Variants in DCTN5 observed in about 807,000 individuals in gnomAD.
DCTN5 encodes the protein dynactin 4.
In DCTN5, 14 loss-of-function variants were observed where a neutral mutation model predicts 23.5. The ratio of observed to expected loss-of-function variants is 0.60; its 90% CI spans 0.39 to 0.93. The LOEUF (loss-of-function observed/expected upper bound fraction) is 0.93. Ranked by LOEUF, DCTN5 falls within the 40% of genes least tolerant of loss-of-function variation. The pLI, the probability that DCTN5 is intolerant of heterozygous loss-of-function variation, is 0.00. For missense variants in DCTN5, 156 were observed against 225.9 expected (o/e 0.69, Z 1.98); for synonymous variants, 67 against 79.6 (o/e 0.84, Z 0.84).
At position 23,647,518 on chromosome 16, in the gene DCTN5, T is replaced by G. The variant is rs1000488889; in HGVS notation, c.117+4495T>G. On this transcript the variant is annotated intron_variant, in intron 2 of 5. Transcript: ENST00000300087. ...TGCTTTTTTTTTTTTAATTTTTTTT[T>G]GGGGGAGGGGGATGGAGTATTGCCC... is the stretch of plus-strand genomic sequence containing the variant. Among the ~76,000 whole-genome samples, 62 of 151,758 alleles carry G rather than the reference T, an allele frequency of 4.1e-4. 2 individuals carry two copies. Among genetic ancestry groups the G allele is most frequent in the South Asian group, 1.2e-3 (6 of 4,808 alleles).
chr16:23,674,485 C>T lies in DCTN5; in HGVS notation c.*7341C>T, dbSNP rs926042333. On this transcript the variant is annotated 3_prime_UTR_variant, in exon 6 of 6. Transcript: ENST00000300087. ...CAAACCTTCTCTGGGGCTTCTCTCA[C>T]TGCTGTTGACTTGTTGCATTCAGCT... is the stretch of plus-strand genomic sequence containing the variant. 6 of 152,232 alleles carry T rather than the reference C, an allele frequency of 3.9e-5. No homozygotes were observed. The highest frequency in any genetic ancestry group is 1.4e-4 in the African/African-American group (6 of 41,468). 9.4% of individuals were successfully genotyped at this position (152,232 alleles called of 1,614,324 possible). A position where few individuals can be genotyped will look rare whatever the true frequency, so the allele number is the denominator to read the frequency against.
rs2140993786 is a variant in DCTN5 at position 23,673,466 on chromosome 16, G to T, written c.*6322G>T. The T allele has an allele frequency of 6.6e-6, 1 of 152,278 alleles. No homozygotes were observed. The highest frequency in any genetic ancestry group is 2.4e-5 in the African/African-American group (1 of 41,550). 9.4% of individuals were successfully genotyped at this position (152,278 alleles called of 1,614,324 possible). A position where few individuals can be genotyped will look rare whatever the true frequency, so the allele number is the denominator to read the frequency against. ...AACACATGCAGTGGATGCTCAGCAG[G>T]CCTTGAGTGTGTGAATGAAAAATAT... On this transcript the variant is annotated 3_prime_UTR_variant, in exon 6 of 6. Coordinates refer to ENST00000300087, the MANE Select transcript of DCTN5 (RefSeq NM_032486.4).
At chr16:23,654,864 T>C (rs1004080851) in intron 2 of DCTN5, among the ~76,000 whole-genome samples, 2 of 152,214 alleles carry the variant, frequency 1.3e-5, no homozygotes, top group African/African-American at 4.8e-5. Flanking sequence ...TGTCTTTCTG[T>C]GCTTGGCTTA....
chr16:23,672,413 T>C lies in DCTN5; in HGVS notation c.*5269T>C, dbSNP rs1344256288. 1.3e-5 allele frequency: 2 copies of C among 152,198 alleles called. No individual in the cohort carries two copies. Among genetic ancestry groups the C allele is most frequent in the Admixed American group, 1.3e-4 (2 of 15,272 alleles). The allele number at this position is 152,198 out of a possible 1,614,324, so 9.4% of individuals were successfully genotyped here. The stretch of plus-strand genomic sequence containing the variant: ...TGAGGCACAGAGAGATTAAGTACTT[T>C]CCCAAGGTCATACAGCTAGTGATGG... On this transcript the variant is annotated 3_prime_UTR_variant, in exon 6 of 6. Transcript: ENST00000300087.
chr16:23,664,208 A>G (rs868640548), intron 4 of DCTN5, among the ~76,000 whole-genome samples: 5 of 152,238 alleles, frequency 3.3e-5, no homozygotes, highest in African/African-American at 1.2e-4. Flanking sequence ...ACGAAGAACT[A>G]TAGTCATAAT....
chr16:23,645,784 G>C (rs532950160), intron 2 of DCTN5, among the ~76,000 whole-genome samples: 2 of 152,134 alleles, frequency 1.3e-5, no homozygotes, highest in Admixed American at 1.3e-4. Context: ...GCCACATTTC[G>C]TATAGGCACT....
At chr16:23,661,110 A>G (rs1967801123) in intron 3 of DCTN5, 60 bp from the exon 4 acceptor site, 1 of 1,205,818 alleles carries the variant, frequency 8.3e-7, no homozygotes, top group Non-Finnish European at 1.2e-6. Context: ...AGTTCTATAA[A>G]CCTTGACCCA....
At chr16:23,641,891 T>G (rs552948697) in intron 1 of DCTN5, among the ~76,000 whole-genome samples, 42 of 152,262 alleles carry the variant, frequency 2.8e-4, no homozygotes, top group African/African-American at 9.6e-4. Flanking sequence ...TTACACTGCC[T>G]TTTGTATCTG....
At chr16:23,657,512 C>A in intron 2 of DCTN5, 1 of 426,884 alleles carries the variant, frequency 2.3e-6, no homozygotes, top group South Asian at 1.6e-5. Context: ...GCGATCTCGG[C>A]TCACTGCAAC....
rs1967969629 is a variant in DCTN5, at chr16:23,669,526, A to G, written c.*2382A>G. On this transcript the variant is annotated 3_prime_UTR_variant, in exon 6 of 6. Transcript: ENST00000300087. ...CATTGTGGCCAGGAAGATGGAATAC[A>G]CCAAATGGACAGGCCTGGCATGTAC... is the stretch of plus-strand genomic sequence containing the variant. 6.6e-6 allele frequency: 1 copy of G among 152,298 alleles called. No homozygotes were observed. Among genetic ancestry groups the G allele is most frequent in the Admixed American group, 6.5e-5 (1 of 15,276 alleles). 9.4% of individuals were successfully genotyped at this position (152,298 alleles called of 1,614,324 possible).
At chr16:23,657,462 C>CA in intron 2 of DCTN5, 1 of 438,118 alleles carries the variant, frequency 2.3e-6, no homozygotes, top group Non-Finnish European at 4.6e-6. Flanking sequence ...TGTCTTAAAG[C>CA]AAAATCTCAC....
intron 2 of DCTN5, among the ~76,000 whole-genome samples, chr16:23,652,505 G>T (rs898173003): frequency 6.6e-6 from 1 of 151,964 alleles, no homozygotes; most frequent in Non-Finnish European, 1.5e-5. Flanking sequence ...CATCTTTATT[G>T]AGGTATAATT....
At chr16:23,646,563 C>G (rs1011487753) in intron 2 of DCTN5, among the ~76,000 whole-genome samples, 1 of 151,910 alleles carries the variant, frequency 6.6e-6, no homozygotes, top group South Asian at 2.1e-4. Context: ...GTCATTGATC[C>G]ATTTTGAGTT....
intron 4 of DCTN5, among the ~76,000 whole-genome samples, chr16:23,662,051 T>TAAAA (rs113915766): frequency 6.5e-5 from 9 of 137,946 alleles, no homozygotes; most frequent in African/African-American, 2.4e-4. Flanking sequence ...CCCTTTCTCT[T>TAAAA]AAAAAAAAAA....
intron 1 of DCTN5, 147 bp from the exon 2 acceptor site, chr16:23,642,808 G>A: frequency 1.5e-6 from 1 of 653,028 alleles, no homozygotes. Context: ...ATCCATCATT[G>A]CTTTTTTGAT....
At chr16:23,644,526 T>A (rs1967381706) in intron 2 of DCTN5, among the ~76,000 whole-genome samples, 1 of 151,816 alleles carries the variant, frequency 6.6e-6, no homozygotes, top group African/African-American at 2.4e-5. Flanking sequence ...GGTCTCAATC[T>A]CCTGACCTCG....
rs1228645468 is a variant in DCTN5 at position 23,645,114 on chromosome 16, TATATATATATATATATATA to T, written c.117+2092_117+2110del. On this transcript the variant is annotated intron_variant, in intron 2 of 5. Coordinates refer to ENST00000300087, the MANE Select transcript of DCTN5 (RefSeq NM_032486.4). The stretch of plus-strand genomic sequence containing the variant: ...ATATATATATATATATATATATATA[TATATATATATATATATATA>T]TATATTTTTTTTTTTTTTAATACGC... 2.1e-3 allele frequency among the ~76,000 whole-genome samples: 86 copies of T among 40,708 alleles called. 2 individuals are homozygous for T. Among genetic ancestry groups the T allele is most frequent in the South Asian group, 0.015 (19 of 1,302 alleles). 26.7% of individuals were successfully genotyped at this position (40,708 alleles called of 152,430 possible). A position where few individuals can be genotyped will look rare whatever the true frequency, so the allele number is the denominator to read the frequency against.
intron 3 of DCTN5, among the ~76,000 whole-genome samples, chr16:23,659,641 G>A (rs565902427): frequency 1.3e-5 from 2 of 152,160 alleles, no homozygotes; most frequent in Non-Finnish European, 2.9e-5. Flanking sequence ...GAACAGAGAA[G>A]GGAGCAATTA....
chr16:23,655,454 G>C (rs1457818884), intron 2 of DCTN5, among the ~76,000 whole-genome samples: 1 of 151,932 alleles, frequency 6.6e-6, no homozygotes, highest in Non-Finnish European at 1.5e-5. Context: ...CACTATCATA[G>C]CTCACTGTAG....
Sources: gnomAD v4.1 joint callset for allele counts (sites outside exome capture counted in the v4.1 genomes callset) on GRCh38, gnomAD v4.1.1 for gene constraint, MANE v1.5 for transcripts, NCBI Gene and HGNC (gene_info 2026-07-23, HGNC 2026-07-21) for gene names.